The following PCSK6 variants were observed in gnomAD, a reference collection of about 807,000 sequenced individuals.
PCSK6 encodes paired basic amino acid cleaving enzyme 4.
Under a neutral mutation model 123.3 loss-of-function variants are expected in PCSK6, and 85 were observed. The observed-to-expected ratio is 0.69, with a 90% CI of 0.58 to 0.83. The LOEUF is 0.83. Ranked by LOEUF, PCSK6 falls within the 40% of genes least tolerant of loss-of-function variation. The probability of loss-of-function intolerance (pLI) is 0.00; values close to 1 mark genes in which losing one functional copy is unlikely to be tolerated. For synonymous variants in PCSK6, 508 were observed against 516.0 expected, an observed-to-expected ratio of 0.98 and a Z score of 0.21; for missense variants, 1,191 against 1,282.3, an observed-to-expected ratio of 0.93 and a Z score of 1.09.
intron 15 of PCSK6, among the ~76,000 whole-genome samples, chr15:101,329,872 C>T (rs1470460988): frequency 6.6e-6 from 1 of 152,224 alleles, no homozygotes. Context: ...CTGCCTCCTG[C>T]CCCCATCCTC....
At chr15:101,487,060 A>G (rs1373679509) in intron 1 of PCSK6, among the ~76,000 whole-genome samples, 2 of 152,392 alleles carry the variant, frequency 1.3e-5, no homozygotes, top group South Asian at 2.1e-4. Flanking sequence ...CCTGGCTGAA[A>G]AAAAGGCAAA....
intron 2 of PCSK6, among the ~76,000 whole-genome samples, chr15:101,441,784 G>A (rs985279854): frequency 3.9e-5 from 6 of 152,174 alleles, no homozygotes; most frequent in African/African-American, 7.2e-5. Flanking sequence ...GTAACTATCC[G>A]CGTGGTGGCA....
At chr15:101,481,471 G>A (rs1350590511) in intron 1 of PCSK6, among the ~76,000 whole-genome samples, 1 of 152,208 alleles carries the variant, frequency 6.6e-6, no homozygotes, top group East Asian at 1.9e-4. Context: ...AGCCTGAAAG[G>A]AAGCAAAAGC....
At chr15:101,461,356 G>T (rs1184035540) in intron 1 of PCSK6, among the ~76,000 whole-genome samples, 1 of 152,150 alleles carries the variant, frequency 6.6e-6, no homozygotes, top group Non-Finnish European at 1.5e-5. Flanking sequence ...TAAAGAAACT[G>T]AAACAGTGCT....
At chr15:101,395,736 T>C (rs561153206) in intron 7 of PCSK6, among the ~76,000 whole-genome samples, 1 of 152,334 alleles carries the variant, frequency 6.6e-6, no homozygotes, top group African/African-American at 2.4e-5. Context: ...CGTATTTCGA[T>C]GTCTTCCCTG....
intron 1 of PCSK6, among the ~76,000 whole-genome samples, chr15:101,451,871 C>T (rs573118343): frequency 3.3e-5 from 5 of 152,212 alleles, no homozygotes; most frequent in African/African-American, 7.2e-5. Flanking sequence ...CTGAAAAAAA[C>T]GTTATAAATA....
chr15:101,489,393 C>G lies in PCSK6; in HGVS notation c.278G>C (p.Gly93Ala). The change falls in exon 1 of 22, where the codon GGG becomes GCG. Residue 93 changes from glycine to alanine, a missense_variant. Coordinates refer to ENST00000611716, the MANE Select transcript of PCSK6 (RefSeq NM_002570.5). ...ACTCACCTGGCCCAAGTTGAGGTAC[C>G]CGTGCGCCGCCGCCACGCGGTCCGC... The part of the protein sequence containing the change: ...AEADRVAAAH[G>A]YLNLGQIGNL... The G allele has an allele frequency of 7.9e-7, 1 of 1,267,396 alleles. No individual in the cohort carries two copies. The highest frequency in any genetic ancestry group is 1.0e-6 in the Non-Finnish European group (1 of 992,286). 78.5% of individuals were successfully genotyped at this position (1,267,396 alleles called of 1,614,324 possible).
chr15:101,382,930 C>T (rs1436255347), intron 10 of PCSK6, among the ~76,000 whole-genome samples: 1 of 152,146 alleles, frequency 6.6e-6, no homozygotes, highest in African/African-American at 2.4e-5. Flanking sequence ...TCGATGGCCT[C>T]CTTATTAAAA....
chr15:101,426,597 A>C (rs2056263480), intron 6 of PCSK6, among the ~76,000 whole-genome samples: 2 of 152,238 alleles, frequency 1.3e-5, no homozygotes, highest in East Asian at 3.9e-4. Flanking sequence ...CAAGATTTCC[A>C]CGGGAAAAGG....
chr15:101,435,301 ACT>A (rs2056565818), intron 2 of PCSK6, among the ~76,000 whole-genome samples: 1 of 133,604 alleles, frequency 7.5e-6, no homozygotes, highest in African/African-American at 3.1e-5. Context: ...ACAGAGTGAG[ACT>A]CTGTCTCAAA....
chr15:101,489,584 GC>G lies in PCSK6; in HGVS notation c.86del (p.Gly29AlafsTer92). On this transcript the variant is annotated frameshift_variant, in exon 1 of 22. Transcript: ENST00000611716. LOFTEE classifies it high-confidence loss of function. ...CGCCGGCGCCCCCCGCGCCCCCCGC[GC>G]CCCCCGCGCCCGCGGCGGTGTCGGT... Reference protein sequence around the residue: ...AATDTAAGAGGAGGAGGAGGP... With the variant: ...AATDTAAGAGXAGGAGGAGGP... The G allele has an allele frequency of 6.2e-6, 6 of 974,638 alleles. No homozygotes were observed. The highest frequency in any genetic ancestry group is 7.3e-6 in the Non-Finnish European group (6 of 824,644). 60.4% of individuals were successfully genotyped at this position (974,638 alleles called of 1,614,324 possible).
chr15:101,324,918 C>A lies in PCSK6; in HGVS notation c.2309G>T (p.Gly770Val). 1.2e-6 allele frequency: 2 copies of A among 1,613,608 alleles called. No individual in the cohort carries two copies. The highest frequency in any genetic ancestry group is 1.3e-5 in the African/African-American group (1 of 75,052). Residue 770 changes from glycine to valine, a missense_variant, in exon 17 of 22, where the codon GGG becomes GTG. By Grantham distance (109) the Gly-to-Val change is moderately radical. Coordinates refer to ENST00000611716, the MANE Select transcript of PCSK6 (RefSeq NM_002570.5). ...AATQCLSCRR[G>V]FYHHQEMNTC... ...GTTCATCTCCTGGTGGTGATAGAAC[C>A]CGCGGCGGCAAGACAGGCACTGCGT...
chr15:101,411,250 G>A (rs1268516196), intron 6 of PCSK6, among the ~76,000 whole-genome samples: 1 of 152,132 alleles, frequency 6.6e-6, no homozygotes, highest in Non-Finnish European at 1.5e-5. Context: ...AGGACAGGAG[G>A]AGCCCCAAAC....
chr15:101,315,208 C>T (rs751912238), intron 19 of PCSK6, among the ~76,000 whole-genome samples: 1 of 152,202 alleles, frequency 6.6e-6, no homozygotes, highest in Non-Finnish European at 1.5e-5. Flanking sequence ...GATGGTGGCA[C>T]ACAAATGTAA....
rs2042494309 is a variant in PCSK6 at position 101,398,654 on chromosome 15, CG to C, written c.824-79del. On this transcript the variant is annotated intron_variant, in intron 6 of 21. Transcript: ENST00000611716. The surrounding 1 kb of genome is among the most constrained non-coding windows in gnomAD (Gnocchi z 4.6). ...GACGGGAACCCGGGCCCAGGAGGCTCGGATGAGGACACCGCATCACAGAGTC... is the reference window on the plus strand; with the variant it reads ...GACGGGAACCCGGGCCCAGGAGGCTCGATGAGGACACCGCATCACAGAGTC... 1 of 1,474,134 alleles carries C rather than the reference CG, an allele frequency of 6.8e-7. No homozygotes were observed. The highest frequency in any genetic ancestry group is 1.8e-5 in the Admixed American group (1 of 54,690). The allele number at this position is 1,474,134 out of a possible 1,614,324, so 91.3% of individuals were successfully genotyped here.
At chr15:101,381,934 T>C (rs1382752723) in intron 11 of PCSK6, among the ~76,000 whole-genome samples, 158 bp downstream of exon 11, 14 of 152,126 alleles carry the variant, frequency 9.2e-5, no homozygotes, top group Admixed American at 9.2e-4. Flanking sequence ...AGCTGTACAA[T>C]CCACAAGAGA....
rs764191685 is a variant in PCSK6, at chr15:101,430,001, G to A, written c.720C>T (p.Ala240=). 1 of 1,613,408 alleles carries A rather than the reference G, an allele frequency of 6.2e-7. No homozygotes were observed. The highest frequency in any genetic ancestry group is 8.5e-7 in the Non-Finnish European group (1 of 1,179,386). Residue 240 remains alanine, a synonymous_variant, in exon 5 of 22, where the codon GCC becomes GCT. Transcript: ENST00000611716. ...AGGTGACGTACTTATTTTCATTGCT[G>A]GCATCATATCGTGGAGATGGGTCAT... is the stretch of plus-strand genomic sequence containing the variant. The part of the protein sequence containing the change: ...NDYDPSPRYD[A]SNENKHGTRC...
Position 101,398,628 on chromosome 15 carries a change from C to T in PCSK6, c.824-52G>A, listed in dbSNP as rs1362290061. 7.0e-6 allele frequency: 11 copies of T among 1,569,946 alleles called. No homozygotes were observed. The highest frequency in any genetic ancestry group is 2.3e-5 in the East Asian group (1 of 44,330). ...CGGCGCCCAGGCTCCGGGCACACAG[C>T]GACGGGAACCCGGGCCCAGGAGGCT... On this transcript the variant is annotated intron_variant, in intron 6 of 21. Coordinates refer to ENST00000611716, the MANE Select transcript of PCSK6 (RefSeq NM_002570.5). This position sits in a 1 kb window ranked among gnomAD's most constrained non-coding sequence, Gnocchi z 4.6.
chr15:101,364,340 G>A (rs570117586), intron 13 of PCSK6, among the ~76,000 whole-genome samples: 10 of 152,292 alleles, frequency 6.6e-5, no homozygotes, highest in East Asian at 5.8e-4. Context: ...AAAGACAGGC[G>A]TTTATAGACC....
Sources: allele counts gnomAD v4.1 joint callset (sites outside exome capture counted in the v4.1 genomes callset), GRCh38; gene constraint gnomAD v4.1.1; non-coding constraint Gnocchi (gnomAD v3.1); transcripts MANE v1.5; gene names NCBI Gene and HGNC (gene_info 2026-07-23, HGNC 2026-07-21).